Variants in PDE10A observed in about 807,000 individuals in gnomAD.
PDE10A encodes phosphodiesterase 10A, also known as cAMP and cAMP-inhibited cGMP 3',5'-cyclic phosphodiesterase 10A.
PDE10A carries 39 observed loss-of-function variants against 97.7 expected under a neutral mutation model. The observed-to-expected ratio is 0.40, with a 90% CI of 0.31 to 0.52. The LOEUF is 0.52. Ranked by LOEUF, PDE10A falls within the 20% of genes least tolerant of loss-of-function variation. The pLI is 0.56. For synonymous variants in PDE10A, 371 were observed against 376.8 expected (o/e 0.98, Z 0.18); for missense variants, 731 against 1,047.8 (o/e 0.70, Z 4.17).
At chr6:165,371,778 A>G (rs1562392890) in intron 18 of PDE10A, among the ~76,000 whole-genome samples, 1 of 152,136 alleles carries the variant, frequency 6.6e-6, no homozygotes, top group African/African-American at 2.4e-5. Context: ...CAACCAAAAA[A>G]GAGAATTTTA....
intron 18 of PDE10A, among the ~76,000 whole-genome samples, chr6:165,359,797 A>G (rs1344621691): frequency 7.0e-6 from 1 of 142,524 alleles, no homozygotes; most frequent in Non-Finnish European, 1.6e-5. Context: ...TCTGTCACAT[A>G]TCTTTTTTTT....
At chr6:165,805,458 G>A (rs1230121267) in intron 1 of PDE10A, among the ~76,000 whole-genome samples, 1 of 152,146 alleles carries the variant, frequency 6.6e-6, no homozygotes, top group Non-Finnish European at 1.5e-5. Context: ...GCCCCCAGTG[G>A]AGGACAAAGG....
At chr6:165,433,219 T>C in intron 6 of PDE10A, 90 bp from the exon 7 acceptor site, 1 of 947,080 alleles carries the variant, frequency 1.1e-6, no homozygotes, top group Non-Finnish European at 1.6e-6. Context: ...CCATGATACT[T>C]GTAATCAATA....
chr6:165,785,799 T>C (rs1778476437), intron 1 of PDE10A, among the ~76,000 whole-genome samples: 1 of 152,218 alleles, frequency 6.6e-6, no homozygotes, highest in South Asian at 2.1e-4. Flanking sequence ...CTGGGAACTT[T>C]CAGGAACGGA....
chr6:165,775,986 T>C lies in PDE10A; in HGVS notation c.-615+211543A>G, dbSNP rs151115961. 2.5e-3 allele frequency among the ~76,000 whole-genome samples: 377 copies of C among 152,312 alleles called. 1 individual carries two copies. Among genetic ancestry groups the C allele is most frequent in the African/African-American group, 8.3e-3 (346 of 41,570 alleles). The stretch of plus-strand genomic sequence containing the variant: ...ATAATAAATTTAATCAGCTTCAACA[T>C]TGCCAGAGTTTTCAAGTGATTTTAT... On this transcript the variant is annotated intron_variant, in intron 1 of 19. Coordinates refer to the PDE10A transcript ENST00000366882.
rs113555555 is a variant in PDE10A at position 165,539,680 on chromosome 6, G to A, written c.994+3760C>T. Among the ~76,000 whole-genome samples the A allele has an allele frequency of 1.3e-4, 20 of 152,276 alleles. 1 individual carries two copies. Among genetic ancestry groups the A allele is most frequent in the African/African-American group, 4.1e-4 (17 of 41,570 alleles). ...CGCATGGCTGCAAGCCCAGCGCTCC[G>A]GGAGGCTGGGGTGGGGGATCACTTG... On this transcript the variant is annotated intron_variant, in intron 2 of 21. Transcript: ENST00000539869.
At position 165,428,784 on chromosome 6, in the gene PDE10A, C is replaced by G; in HGVS notation, c.1602-75G>C. The G allele has an allele frequency of 3.4e-6, 2 of 581,710 alleles. 1 individual carries two copies. Among genetic ancestry groups the G allele is most frequent in the South Asian group, 4.8e-5 (2 of 41,826 alleles). The allele number at this position is 581,710 out of a possible 1,614,324, so 36.0% of individuals were successfully genotyped here. On this transcript the variant is annotated intron_variant, in intron 9 of 21. Transcript: ENST00000539869. ...ACATATTACACTTTGAATTCATTTC[C>G]TGGTTTTGTCTACATTTAAATAAAA... is the stretch of plus-strand genomic sequence containing the variant.
intron 17 of PDE10A, among the ~76,000 whole-genome samples, chr6:165,379,775 G>A (rs565912722): frequency 6.0e-4 from 91 of 152,052 alleles, no homozygotes; most frequent in Non-Finnish European, 1.0e-3. Context: ...AACCTTAATG[G>A]GCTAAAAAAG....
intron 1 of PDE10A, among the ~76,000 whole-genome samples, chr6:165,773,422 T>G: frequency 6.6e-6 from 1 of 152,360 alleles, no homozygotes; most frequent in East Asian, 1.9e-4. Context: ...CTATATCTCA[T>G]GTTAACAACT....
At chr6:165,727,775 A>C (rs1422294133) in intron 1 of PDE10A, among the ~76,000 whole-genome samples, 4 of 152,220 alleles carry the variant, frequency 2.6e-5, no homozygotes, top group Non-Finnish European at 4.4e-5. Context: ...TACTTAAAGA[A>C]ACATAACTTA....
chr6:165,499,160 AG>A (rs557685555), intron 2 of PDE10A, among the ~76,000 whole-genome samples: 10 of 152,184 alleles, frequency 6.6e-5, no homozygotes, highest in Non-Finnish European at 1.3e-4. Context: ...GAAAAAAGCC[AG>A]GGGGAAGAGT....
At chr6:165,625,816 T>C (rs1788359345) in intron 1 of PDE10A, among the ~76,000 whole-genome samples, 1 of 152,214 alleles carries the variant, frequency 6.6e-6, no homozygotes, top group Non-Finnish European at 1.5e-5. Flanking sequence ...TTTTTCTTTA[T>C]AAATTACCCA....
At chr6:165,804,890 T>C (rs1181033334) in intron 1 of PDE10A, among the ~76,000 whole-genome samples, 1 of 101,198 alleles carries the variant, frequency 9.9e-6, no homozygotes, top group Non-Finnish European at 2.1e-5. Context: ...CGGAGGGGAG[T>C]GGGGCGTGGG....
chr6:165,856,327 T>C (rs1780731239), intron 1 of PDE10A, among the ~76,000 whole-genome samples: 1 of 152,200 alleles, frequency 6.6e-6, no homozygotes, highest in Non-Finnish European at 1.5e-5. Context: ...ACCCCCTGCC[T>C]GACTCTACGG....
intron 1 of PDE10A, chr6:165,949,158 A>C (rs1783873159): frequency 6.6e-6 from 1 of 152,270 alleles, no homozygotes; most frequent in Non-Finnish European, 1.5e-5. Flanking sequence ...CTCAATGGGG[A>C]TATAGGCTCC....
At chr6:165,336,307 G>T in intron 20 of PDE10A, 96 bp from the exon 21 acceptor site, 1 of 814,542 alleles carries the variant, frequency 1.2e-6, no homozygotes, top group South Asian at 1.6e-5. Context: ...TGTTTCTGAG[G>T]CCTAATTATA....
At chr6:165,987,733 G>C (rs764365000) in exon 1 of PDE10A, 8 of 456,660 alleles carry the variant, frequency 1.8e-5, no homozygotes, top group South Asian at 1.2e-4. Context: ...CCACGCTCGC[G>C]CGCTCCGCTC....
chr6:165,351,395 A>G (rs1036242598), intron 18 of PDE10A, among the ~76,000 whole-genome samples: 1 of 152,190 alleles, frequency 6.6e-6, no homozygotes, highest in Non-Finnish European at 1.5e-5. Context: ...AAGATAATGT[A>G]ACTCCAGAAT....
chr6:165,956,562 TA>T (rs1195256254), intron 1 of PDE10A, among the ~76,000 whole-genome samples: 9 of 152,240 alleles, frequency 5.9e-5, no homozygotes, highest in African/African-American at 2.2e-4. Flanking sequence ...AATTTTCTTT[TA>T]ATTTCTGTGA....
Sources: gnomAD v4.1 joint callset for allele counts (sites outside exome capture counted in the v4.1 genomes callset) on GRCh38, gnomAD v4.1.1 for gene constraint, MANE v1.5 for transcripts, NCBI Gene and HGNC (gene_info 2026-07-23, HGNC 2026-07-21) for gene names.